KCND3: variants seen among roughly 807,000 people sequenced by gnomAD.
The protein encoded by KCND3 is potassium voltage-gated channel subfamily D member 3, also known as A-type voltage-gated potassium channel KCND3.
In KCND3, 9 loss-of-function variants were observed where a neutral mutation model predicts 51.1. That is an observed-to-expected ratio of 0.18 (90% confidence interval 0.11 to 0.31). KCND3 has a LOEUF of 0.31. Among genes scored for constraint, KCND3 ranks in the 10% least tolerant of loss-of-function variants. The pLI, the probability that KCND3 is intolerant of heterozygous loss-of-function variation, is 1.00. For missense variants in KCND3, 526 were observed against 903.8 expected (o/e 0.58, Z 5.36); for synonymous variants, 349 against 368.0 (o/e 0.95, Z 0.59).
chr1:111,844,937 C>T (rs760084963), intron 2 of KCND3, among the ~76,000 whole-genome samples: 3 of 152,324 alleles, frequency 2.0e-5, no homozygotes, highest in East Asian at 3.9e-4. Flanking sequence ...CCAAGCTCAA[C>T]GCTTGTGCTC....
At chr1:111,803,044 G>A (rs1375098370) in intron 2 of KCND3, among the ~76,000 whole-genome samples, 1 of 152,238 alleles carries the variant, frequency 6.6e-6, no homozygotes, top group Admixed American at 6.5e-5. Context: ...CTCAGCAGGG[G>A]CCTGGTCTGG....
intron 2 of KCND3, among the ~76,000 whole-genome samples, chr1:111,977,590 T>C (rs1674707238): frequency 6.6e-6 from 1 of 152,172 alleles, no homozygotes; most frequent in African/African-American, 2.4e-5. Flanking sequence ...GATCGGACAC[T>C]GCTCTGAACC....
chr1:111,918,950 G>C (rs575832526), intron 2 of KCND3, among the ~76,000 whole-genome samples: 71 of 151,996 alleles, frequency 4.7e-4, no homozygotes, highest in African/African-American at 1.6e-3. Flanking sequence ...GGCAGCTGAG[G>C]AAGGGTGAAG....
chr1:111,778,548 A>G, intron 5 of KCND3, 56 bp from the exon 6 acceptor site: 2 of 1,534,408 alleles, frequency 1.3e-6, no homozygotes, highest in South Asian at 1.1e-5. Flanking sequence ...ACATTCCAGC[A>G]TTCCCAAGCC....
intron 2 of KCND3, among the ~76,000 whole-genome samples, chr1:111,792,731 T>G (rs954437078): frequency 1.4e-4 from 21 of 152,030 alleles, no homozygotes; most frequent in African/African-American, 5.1e-4. Context: ...ATGAGTTACT[T>G]TTTGTGAAAG....
chr1:111,816,382 C>T (rs1014778628), intron 2 of KCND3, among the ~76,000 whole-genome samples: 12 of 152,236 alleles, frequency 7.9e-5, no homozygotes, highest in Non-Finnish European at 1.6e-4. Context: ...TCCCTTGTTT[C>T]CTCCAGGAAA....
At chr1:111,978,226 A>G (rs1244233256) in intron 2 of KCND3, among the ~76,000 whole-genome samples, 5 of 152,230 alleles carry the variant, frequency 3.3e-5, no homozygotes, top group African/African-American at 1.2e-4. Flanking sequence ...GGGCAACCAG[A>G]GCAGGAAGAG....
intron 2 of KCND3, among the ~76,000 whole-genome samples, chr1:111,799,015 T>C (rs949029753): frequency 3.3e-5 from 5 of 152,078 alleles, no homozygotes; most frequent in African/African-American, 1.2e-4. Context: ...CCCTGATTTG[T>C]CACTGGGAGA....
At position 111,846,417 on chromosome 1, in the gene KCND3, CTCTGCT is replaced by C. The variant is rs1667551547; in HGVS notation, c.1107-59317_1107-59312del. On this transcript the variant is annotated intron_variant, in intron 2 of 7. Coordinates refer to ENST00000302127, the MANE Select transcript of KCND3 (RefSeq NM_001378969.1). ...CTTTCCTCTGTACACCCATGACACTCTCTGCTGCTGCTGCTGCTGCTGCTGCTGCTG... is the reference window on the plus strand; with the variant it reads ...CTTTCCTCTGTACACCCATGACACTCGCTGCTGCTGCTGCTGCTGCTGCTG... Among the ~76,000 whole-genome samples the C allele has an allele frequency of 3.0e-5, 4 of 133,636 alleles. No homozygotes were observed. In the Admixed American group the frequency reaches 3.1e-4, roughly 10 times the overall value. 87.7% of individuals were successfully genotyped at this position (133,636 alleles called of 152,430 possible).
intron 2 of KCND3, among the ~76,000 whole-genome samples, chr1:111,836,495 T>TG (rs1360359589): frequency 3.3e-5 from 5 of 152,224 alleles, no homozygotes; most frequent in Non-Finnish European, 7.3e-5. Flanking sequence ...TGTACTCTGT[T>TG]GGACTCTGTT....
chr1:111,815,254 T>C (rs892706785), intron 2 of KCND3, among the ~76,000 whole-genome samples: 1 of 152,146 alleles, frequency 6.6e-6, no homozygotes, highest in Non-Finnish European at 1.5e-5. Flanking sequence ...TAAGTTTCAT[T>C]GCAATTAGCA....
intron 2 of KCND3, among the ~76,000 whole-genome samples, chr1:111,848,870 C>T (rs777220599): frequency 9.3e-4 from 142 of 152,304 alleles, no homozygotes; most frequent in Non-Finnish European, 1.8e-3. Context: ...CCACAGGGAG[C>T]GCTGGCTGCC....
intron 2 of KCND3, among the ~76,000 whole-genome samples, chr1:111,803,208 C>T (rs1000225529): frequency 6.6e-6 from 1 of 152,138 alleles, no homozygotes; most frequent in African/African-American, 2.4e-5. Flanking sequence ...CCTAGCCTTA[C>T]CCGCCCCCAC....
chr1:111,808,419 G>T (rs1665680371), intron 2 of KCND3, among the ~76,000 whole-genome samples: 1 of 152,210 alleles, frequency 6.6e-6, no homozygotes, highest in Non-Finnish European at 1.5e-5. Flanking sequence ...ATGGGTCAAA[G>T]GTTTCCTGGT....
chr1:111,832,883 G>A (rs762787869), intron 2 of KCND3, among the ~76,000 whole-genome samples: 2 of 152,174 alleles, frequency 1.3e-5, no homozygotes, highest in African/African-American at 4.8e-5. Flanking sequence ...TTCTCCAGGA[G>A]CCATCTCTCC....
intron 2 of KCND3, among the ~76,000 whole-genome samples, chr1:111,799,964 A>G (rs1665222625): frequency 6.6e-6 from 1 of 151,950 alleles, no homozygotes; most frequent in African/African-American, 2.4e-5. Context: ...CCGGGAGGTG[A>G]GGGGCGCCTC....
chr1:111,939,374 T>G (rs1571876370), intron 2 of KCND3, among the ~76,000 whole-genome samples: 3 of 152,248 alleles, frequency 2.0e-5, no homozygotes, highest in Admixed American at 2.0e-4. Flanking sequence ...TGCTAGCCCT[T>G]CTGTAGTTCC....
At position 111,982,931 on chromosome 1, in the gene KCND3, C is replaced by G. The variant is rs1675050031; in HGVS notation, c.-72-133G>C. Reference sequence around the variant, plus strand: ...AGGGCAGATTAATAAAACTGAAATCCCCACCACAGAGAGGGGACTTGATTC... The same window carrying G: ...AGGGCAGATTAATAAAACTGAAATCGCCACCACAGAGAGGGGACTTGATTC... On this transcript the variant is annotated intron_variant, in intron 1 of 7. Transcript: ENST00000302127. The surrounding 1 kb of genome is among the most constrained non-coding windows in gnomAD (Gnocchi z 8.5). 1 of 682,526 alleles carries G rather than the reference C, an allele frequency of 1.5e-6. No individual in the cohort carries two copies. Among genetic ancestry groups the G allele is most frequent in the Non-Finnish European group, 2.5e-6 (1 of 404,074 alleles). The allele number at this position is 682,526 out of a possible 1,614,324, so 42.3% of individuals were successfully genotyped here.
chr1:111,924,991 T>G (rs1400258723), intron 2 of KCND3, among the ~76,000 whole-genome samples: 1 of 152,204 alleles, frequency 6.6e-6, no homozygotes, highest in Non-Finnish European at 1.5e-5. Flanking sequence ...ATCTCCACCT[T>G]GTGGGCAACC....
Sources: allele counts gnomAD v4.1 joint callset (sites outside exome capture counted in the v4.1 genomes callset), GRCh38; gene constraint gnomAD v4.1.1; non-coding constraint Gnocchi (gnomAD v3.1); transcripts MANE v1.5; gene names NCBI Gene and HGNC (gene_info 2026-07-23, HGNC 2026-07-21).